The following TCF12 variants were observed in gnomAD, a reference collection of about 807,000 sequenced individuals.
TCF12 encodes the protein transcription factor 12.
Under a neutral mutation model 86.0 loss-of-function variants are expected in TCF12, and 45 were observed. That is an observed-to-expected ratio of 0.52 (90% CI 0.41 to 0.67). The LOEUF (loss-of-function observed/expected upper bound fraction) is 0.67. Among genes scored for constraint, TCF12 ranks in the 30% least tolerant of loss-of-function variants. TCF12 has a pLI of 0.00. For missense variants in TCF12, 881 were observed against 859.9 expected, an observed-to-expected ratio of 1.02 and a Z score of -0.31; for synonymous variants, 330 against 299.6, an observed-to-expected ratio of 1.10 and a Z score of -1.05.
At chr15:57,083,985 T>C (rs1267540620) in intron 4 of TCF12, among the ~76,000 whole-genome samples, 2 of 152,240 alleles carry the variant, frequency 1.3e-5, no homozygotes, top group Admixed American at 1.3e-4. Context: ...ACTGGTATTT[T>C]AAAGTTACTT....
intron 19 of TCF12, among the ~76,000 whole-genome samples, chr15:57,274,815 C>CT (rs1338966442): frequency 6.6e-6 from 1 of 152,168 alleles, no homozygotes; most frequent in African/African-American, 2.4e-5. Context: ...TACACAGCAC[C>CT]TTTTCCTCCC....
chr15:56,971,311 C>A (rs1215419901), intron 3 of TCF12, among the ~76,000 whole-genome samples: 1 of 151,890 alleles, frequency 6.6e-6, no homozygotes, highest in African/African-American at 2.4e-5. Flanking sequence ...GCCTGTAATC[C>A]CAGCTACTAG....
chr15:57,122,189 T>C (rs1486325377), intron 5 of TCF12, among the ~76,000 whole-genome samples: 1 of 151,468 alleles, frequency 6.6e-6, no homozygotes, highest in Non-Finnish European at 1.5e-5. Flanking sequence ...CTTGATTTTT[T>C]TTTTTCACAT....
At chr15:57,132,698 G>T (rs2052224580) in intron 5 of TCF12, among the ~76,000 whole-genome samples, 1 of 152,044 alleles carries the variant, frequency 6.6e-6, no homozygotes, top group African/African-American at 2.4e-5. Context: ...TATTTTTCCT[G>T]ATTTTTCTTT....
intron 6 of TCF12, among the ~76,000 whole-genome samples, chr15:57,172,195 A>G (rs1292256445): frequency 2.0e-5 from 3 of 152,334 alleles, no homozygotes; most frequent in Non-Finnish European, 4.4e-5. Flanking sequence ...AGACATAACA[A>G]TGACAGATGT....
intron 3 of TCF12, among the ~76,000 whole-genome samples, chr15:57,002,199 G>T (rs1221477938): frequency 6.6e-6 from 1 of 152,154 alleles, no homozygotes; most frequent in Non-Finnish European, 1.5e-5. Flanking sequence ...TGTGTTGTGT[G>T]TGCAAGATGA....
At chr15:57,050,058 A>G (rs374019436) in intron 3 of TCF12, among the ~76,000 whole-genome samples, 1 of 152,198 alleles carries the variant, frequency 6.6e-6, no homozygotes. Context: ...CTCGGAGCTT[A>G]TAGTTTACTA....
chr15:57,059,803 C>CAAAA (rs10717631), intron 3 of TCF12, among the ~76,000 whole-genome samples: 2 of 94,236 alleles, frequency 2.1e-5, no homozygotes, highest in African/African-American at 4.3e-5. Context: ...CTCCTCCCAC[C>CAAAA]AAAAAAAAAA....
Position 57,252,458 on chromosome 15 carries a change from A to C in TCF12, c.1226A>C (p.Gln409Pro). The change falls in exon 15 of 21, where the codon CAA (glutamine) becomes CCA (proline). Residue 409 changes from glutamine (Q) to proline (P), a missense_variant. By Grantham distance (76) the Gln-to-Pro change is moderately conservative. Transcript: ENST00000333725. ...GAGCAGCAACTTCACGAGCATTTGC[A>C]AGATGCAATGTCCTTCTTAAAGGAT... is the stretch of plus-strand genomic sequence containing the variant. ...RVEQQLHEHL[Q>P]DAMSFLKDVC... The C allele has an allele frequency of 6.2e-7, 1 of 1,613,984 alleles. No individual in the cohort carries two copies. The highest frequency in any genetic ancestry group is 1.7e-5 in the Admixed American group (1 of 60,020).
At chr15:57,067,755 A>C (rs139938916) in intron 4 of TCF12, among the ~76,000 whole-genome samples, 445 of 152,272 alleles carry the variant, frequency 2.9e-3, no homozygotes, top group African/African-American at 0.01. Context: ...CAGAGAGCAT[A>C]GACACACACA....
chr15:57,265,511 G>A (rs1207327330), intron 18 of TCF12, among the ~76,000 whole-genome samples: 1 of 152,076 alleles, frequency 6.6e-6, no homozygotes, highest in Non-Finnish European at 1.5e-5. Context: ...GAATAATTGG[G>A]TAAATAATAA....
intron 5 of TCF12, among the ~76,000 whole-genome samples, chr15:57,108,637 A>T (rs2050288254): frequency 6.7e-6 from 1 of 150,010 alleles, no homozygotes. Flanking sequence ...TTAGAGAGAG[A>T]TCTGGCTTGG....
chr15:57,131,972 A>G (rs1396196951), intron 5 of TCF12, among the ~76,000 whole-genome samples: 4 of 152,114 alleles, frequency 2.6e-5, no homozygotes, highest in African/African-American at 9.7e-5. Flanking sequence ...TTATCTTGTC[A>G]GCTTTCTCTT....
At chr15:57,250,378 A>C (rs2060052604) in intron 13 of TCF12, among the ~76,000 whole-genome samples, 1 of 152,196 alleles carries the variant, frequency 6.6e-6, no homozygotes, top group South Asian at 2.1e-4. Context: ...CACTGTTCAT[A>C]ATAGCCGAGT....
intron 8 of TCF12, among the ~76,000 whole-genome samples, chr15:57,219,977 C>T (rs928467793): frequency 9.2e-5 from 14 of 151,992 alleles, no homozygotes; most frequent in African/African-American, 2.7e-4. Flanking sequence ...CCACCCGCCT[C>T]GGCCTCCCAA....
intron 12 of TCF12, among the ~76,000 whole-genome samples, chr15:57,235,599 T>G (rs1260126596): frequency 6.6e-6 from 1 of 152,172 alleles, no homozygotes; most frequent in African/African-American, 2.4e-5. Flanking sequence ...ATGACCTATT[T>G]AGGAAGACAG....
intron 3 of TCF12, among the ~76,000 whole-genome samples, chr15:57,002,846 C>T (rs1036718703): frequency 1.3e-5 from 2 of 152,132 alleles, no homozygotes; most frequent in East Asian, 3.8e-4. Flanking sequence ...CAGATGAATC[C>T]TTTACATACT....
intron 4 of TCF12, among the ~76,000 whole-genome samples, chr15:57,075,835 T>TTTCTTTCTTTCTTTCTTTC (rs1555498796): frequency 0.014 from 697 of 49,956 alleles, 42 homozygotes; most frequent in South Asian, 0.017. Flanking sequence ...TCTCTCTCTC[T>TTTCTTTCTTTCTTTCTTTC]TTTCTTTCTT....
intron 5 of TCF12, among the ~76,000 whole-genome samples, chr15:57,127,333 A>G (rs1310770639): frequency 6.6e-6 from 1 of 152,070 alleles, no homozygotes; most frequent in African/African-American, 2.4e-5. Context: ...GTAAATATTT[A>G]TAAAACAATT....
Sources: gnomAD v4.1 joint callset for allele counts (sites outside exome capture counted in the v4.1 genomes callset) on GRCh38, gnomAD v4.1.1 for gene constraint, MANE v1.5 for transcripts, NCBI Gene and HGNC (gene_info 2026-07-23, HGNC 2026-07-21) for gene names.